Variants in ADAM12 observed in about 807,000 individuals in gnomAD.
ADAM12 encodes the protein ADAM metallopeptidase domain 12, also known as disintegrin and metalloproteinase domain-containing protein 12.
A neutral mutation model predicts 106.4 loss-of-function variants in ADAM12; 70 were observed. The observed-to-expected ratio is 0.66, with a 90% CI of 0.54 to 0.80. The LOEUF (loss-of-function observed/expected upper bound fraction) is 0.80, where lower values mean the gene tolerates loss of function less well. Ranked by LOEUF, ADAM12 falls within the 30% of genes least tolerant of loss-of-function variation. ADAM12 has a pLI of 0.00. For missense variants in ADAM12, 1,010 were observed against 1,171.9 expected (o/e 0.86, Z 2.02); for synonymous variants, 420 against 433.5 (o/e 0.97, Z 0.39).
intron 3 of ADAM12, among the ~76,000 whole-genome samples, chr10:126,212,007 G>A (rs1957912314): frequency 6.6e-6 from 1 of 152,224 alleles, no homozygotes; most frequent in African/African-American, 2.4e-5. Flanking sequence ...GTGATGGGGA[G>A]GGAATAAGGA....
chr10:126,308,066 G>A (rs1590759935), intron 2 of ADAM12, among the ~76,000 whole-genome samples: 2 of 152,140 alleles, frequency 1.3e-5, no homozygotes, highest in East Asian at 3.9e-4. Context: ...AATTGAGCTG[G>A]GTCAGGGTTG....
chr10:126,382,094 T>A (rs898142805), intron 1 of ADAM12, among the ~76,000 whole-genome samples: 6 of 151,862 alleles, frequency 4.0e-5, no homozygotes, highest in African/African-American at 1.5e-4. Flanking sequence ...ACTTATGACC[T>A]GGAAAGGAGG....
At chr10:126,091,817 C>T (rs1955470086) in intron 11 of ADAM12, among the ~76,000 whole-genome samples, 1 of 152,118 alleles carries the variant, frequency 6.6e-6, no homozygotes, top group South Asian at 2.1e-4. Flanking sequence ...ATTTTTAGAG[C>T]TGTAGAGTCT....
chr10:126,132,380 C>A (rs1956321613), intron 5 of ADAM12, among the ~76,000 whole-genome samples: 1 of 152,134 alleles, frequency 6.6e-6, no homozygotes, highest in Admixed American at 6.5e-5. Context: ...CCTTTCAGGC[C>A]CCAGAGAGGC....
At chr10:126,324,107 T>C (rs1854206470) in intron 2 of ADAM12, among the ~76,000 whole-genome samples, 1 of 152,188 alleles carries the variant, frequency 6.6e-6, no homozygotes, top group Non-Finnish European at 1.5e-5. Flanking sequence ...GTTTCTGCCA[T>C]GTGCAAGGCT....
intron 2 of ADAM12, among the ~76,000 whole-genome samples, chr10:126,327,792 A>G (rs1854356613): frequency 6.6e-6 from 1 of 152,170 alleles, no homozygotes. Context: ...TTTACCAGAG[A>G]AAGAAGGTCA....
At chr10:126,334,773 C>T (rs1854638455) in intron 1 of ADAM12, among the ~76,000 whole-genome samples, 1 of 152,100 alleles carries the variant, frequency 6.6e-6, no homozygotes, top group African/African-American at 2.4e-5. Context: ...TAACCAAGTC[C>T]ACACCACCCT....
At chr10:126,228,828 T>TA (rs1819396501) in intron 3 of ADAM12, among the ~76,000 whole-genome samples, 1 of 152,186 alleles carries the variant, frequency 6.6e-6, no homozygotes, top group Admixed American at 6.5e-5. Flanking sequence ...CTCTTTTCTT[T>TA]AAATAAAAGT....
chr10:126,049,057 CA>C lies in ADAM12; in HGVS notation c.1917+195del, dbSNP rs575802976. ...TATTAACACTCAAGGCCTAAGAAGA[CA>C]GGCTTGATTTTTCCCCAATCTGCAT... is the stretch of plus-strand genomic sequence containing the variant. On this transcript the variant is annotated intron_variant, in intron 16 of 22. Transcript: ENST00000448723. This position sits in a 1 kb window ranked among gnomAD's most constrained non-coding sequence, Gnocchi z 4.4. Among the ~76,000 whole-genome samples, 498 of 152,332 alleles carry C rather than the reference CA, an allele frequency of 3.3e-3. 1 individual carries two copies. Among genetic ancestry groups the C allele is most frequent in the African/African-American group, 0.011 (473 of 41,582 alleles).
intron 3 of ADAM12, among the ~76,000 whole-genome samples, chr10:126,234,327 TGTTAATAAAAACTCATAA>T (rs1958373257): frequency 6.6e-6 from 1 of 152,244 alleles, no homozygotes; most frequent in Admixed American, 6.5e-5. Flanking sequence ...AAACTGCATA[TGTTAATAAAAACTCATAA>T]GTATTCTTTA....
At chr10:126,342,129 G>A (rs776836640) in intron 1 of ADAM12, among the ~76,000 whole-genome samples, 2 of 152,194 alleles carry the variant, frequency 1.3e-5, no homozygotes, top group Non-Finnish European at 2.9e-5. Flanking sequence ...GGCTTGGGCA[G>A]GATGCAGGTG....
At position 126,061,591 on chromosome 10, in the gene ADAM12, C is replaced by A. The variant is rs944399937; in HGVS notation, c.1609+3215G>T. Among the ~76,000 whole-genome samples the A allele has an allele frequency of 5.3e-5, 8 of 152,074 alleles. No homozygotes were observed. The East Asian group carries it at 1.5e-3, about 29-fold the overall frequency. ...GTGAGCCTGATGGAATCAAAAGGGT[C>A]CTTATAAGAGGAAGGCAGGAGAGTC... On this transcript the variant is annotated intron_variant, in intron 14 of 22. Transcript: ENST00000448723.
intron 5 of ADAM12, among the ~76,000 whole-genome samples, chr10:126,120,955 A>AT (rs1491281850): frequency 7.3e-6 from 1 of 137,128 alleles, no homozygotes; most frequent in African/African-American, 2.7e-5. Flanking sequence ...ATGTAATATA[A>AT]TATATATTAT....
At chr10:126,037,990 C>T (rs1954088724) in intron 20 of ADAM12, among the ~76,000 whole-genome samples, 1 of 152,046 alleles carries the variant, frequency 6.6e-6, no homozygotes, top group Non-Finnish European at 1.5e-5. Flanking sequence ...ACAGCTCACA[C>T]TATGCTGCAC....
intron 2 of ADAM12, among the ~76,000 whole-genome samples, chr10:126,304,447 T>A (rs987135741): frequency 1.3e-5 from 2 of 151,886 alleles, no homozygotes; most frequent in South Asian, 2.1e-4. Flanking sequence ...ATGATCTAAA[T>A]ACTCCAAAAT....
chr10:126,199,835 G>A (rs1957665534), intron 3 of ADAM12, among the ~76,000 whole-genome samples: 1 of 152,184 alleles, frequency 6.6e-6, no homozygotes, highest in Non-Finnish European at 1.5e-5. Flanking sequence ...GCATGACCTT[G>A]AGAAAGGCAT....
intron 2 of ADAM12, among the ~76,000 whole-genome samples, chr10:126,310,800 T>C (rs777111458): frequency 6.6e-5 from 10 of 152,170 alleles, no homozygotes; most frequent in African/African-American, 9.7e-5. Context: ...GTAGCACAGG[T>C]ACAGGGAAAT....
At chr10:126,128,788 G>A (rs534371559) in intron 5 of ADAM12, among the ~76,000 whole-genome samples, 6 of 150,014 alleles carry the variant, frequency 4.0e-5, no homozygotes, top group South Asian at 2.1e-4. Context: ...TGTGTGGTGC[G>A]CGTGTCGGAA....
chr10:126,126,864 G>GGA (rs139572674), intron 5 of ADAM12, among the ~76,000 whole-genome samples: 8,946 of 152,148 alleles, frequency 0.059, 599 homozygotes, highest in East Asian at 0.15. Flanking sequence ...GAGGTGTTGT[G>GGA]GACCTTCTGG....
Sources: gnomAD v4.1 joint callset for allele counts (sites outside exome capture counted in the v4.1 genomes callset) on GRCh38, gnomAD v4.1.1 for gene constraint, Gnocchi (gnomAD v3.1) non-coding constraint, MANE v1.5 for transcripts, NCBI Gene and HGNC (gene_info 2026-07-23, HGNC 2026-07-21) for gene names.